ARMC12: variants seen among roughly 807,000 people sequenced by gnomAD.
The protein encoded by ARMC12 is armadillo repeat containing 12, also known as armadillo repeat-containing protein 12.
Under a neutral mutation model 37.4 loss-of-function variants are expected in ARMC12, and 25 were observed. That is an observed-to-expected ratio of 0.67 (90% CI 0.49 to 0.93). The LOEUF (loss-of-function observed/expected upper bound fraction) is 0.93. Ranked by LOEUF, ARMC12 falls within the 40% of genes least tolerant of loss-of-function variation. The pLI is 0.00. For missense variants in ARMC12, 384 were observed against 426.6 expected (o/e 0.90, Z 0.88); for synonymous variants, 167 against 176.1 (o/e 0.95, Z 0.41).
Position 35,748,538 on chromosome 6 carries a change from G to A in ARMC12, c.691G>A (p.Val231Ile). Residue 231 changes from valine to isoleucine, a missense_variant and splice_region_variant, in exon 6 of 6, where the codon GTT becomes ATT. Coordinates refer to ENST00000373866, the MANE Select transcript of ARMC12 (RefSeq NM_001286574.2). ...CATTCTTTCTCTATTCCCATCACAG[G>A]TTCACTCCAACTTCCTAAACCTGTT... is the stretch of plus-strand genomic sequence containing the variant. The part of the protein sequence containing the change: ...DLLYDILNCQ[V>I]HSNFLNLFQP... 6.7e-7 allele frequency: 1 copy of A among 1,487,736 alleles called. No individual in the cohort carries two copies. Among genetic ancestry groups the A allele is most frequent in the Non-Finnish European group, 9.0e-7 (1 of 1,117,318 alleles). The allele number at this position is 1,487,736 out of a possible 1,614,324, so 92.2% of individuals were successfully genotyped here. A position where few individuals can be genotyped will look rare whatever the true frequency, so the allele number is the denominator to read the frequency against.
chr6:35,747,110 C>A (rs1767362920), intron 3 of ARMC12, 151 bp from the exon 4 acceptor site: 3 of 659,920 alleles, frequency 4.5e-6, no homozygotes, highest in Non-Finnish European at 6.6e-6. Context: ...TGGGAGTGGG[C>A]AACTGGGTCA....
chr6:35,740,216 A>C (rs2151038955), intron 3 of ARMC12, among the ~76,000 whole-genome samples: 1 of 152,222 alleles, frequency 6.6e-6, no homozygotes, highest in South Asian at 2.1e-4. Context: ...ACAAAATGTA[A>C]AACACCACAT....
At chr6:35,743,530 C>T (rs975802847) in intron 3 of ARMC12, among the ~76,000 whole-genome samples, 2 of 152,152 alleles carry the variant, frequency 1.3e-5, no homozygotes, top group African/African-American at 4.8e-5. Context: ...CATCTTGCAT[C>T]CTAGAACCGA....
chr6:35,740,752 A>T (rs1767138298), intron 3 of ARMC12, among the ~76,000 whole-genome samples: 1 of 152,192 alleles, frequency 6.6e-6, no homozygotes, highest in South Asian at 2.1e-4. Flanking sequence ...AGCAGGGCAT[A>T]GCAGATAATA....
At chr6:35,743,295 C>A (rs1767233046) in intron 3 of ARMC12, among the ~76,000 whole-genome samples, 1 of 151,956 alleles carries the variant, frequency 6.6e-6, no homozygotes, top group South Asian at 2.1e-4. Flanking sequence ...CAGCTCACCG[C>A]AACCTCCGCC....
upstream of ARMC12, among the ~76,000 whole-genome samples, chr6:35,733,542 C>G (rs577976580): frequency 2.6e-5 from 4 of 152,336 alleles, 1 homozygote; most frequent in South Asian, 8.3e-4. Flanking sequence ...TGGAGTCTTG[C>G]TCTGTCACCA....
chr6:35,739,108 G>A (rs1409831259), intron 3 of ARMC12, among the ~76,000 whole-genome samples: 1 of 152,152 alleles, frequency 6.6e-6, no homozygotes, highest in African/African-American at 2.4e-5. Flanking sequence ...ATAGGGCAGG[G>A]TGTCAGGGCG....
rs1767380202 is a variant in ARMC12 at position 35,747,578 on chromosome 6, G to A, written c.621G>A (p.Val207=). 1.2e-6 allele frequency: 2 copies of A among 1,614,062 alleles called. No individual in the cohort carries two copies. Among genetic ancestry groups the A allele is most frequent in the Non-Finnish European group, 1.7e-6 (2 of 1,180,024 alleles). The change falls in exon 5 of 6, where the codon GTG becomes GTA. Residue 207 remains valine, a splice_region_variant and synonymous_variant. Coordinates refer to ENST00000373866, the MANE Select transcript of ARMC12 (RefSeq NM_001286574.2). ...GCTTTACTCTTTCCTTTATTCAGGT[G>A]CAAGCCGTACGACTGCTGAGCTACC... ...ILQSDYILAQ[V]QAVRLLSYLA...
At chr6:35,738,203 G>C (rs1348425365) in intron 2 of ARMC12, 31 bp downstream of exon 2, 4 of 1,596,118 alleles carry the variant, frequency 2.5e-6, no homozygotes, top group Non-Finnish European at 3.4e-6. Context: ...CCCCTAGCCG[G>C]CCTGGCCCCT....
chr6:35,742,589 C>T (rs973743083), intron 3 of ARMC12, among the ~76,000 whole-genome samples: 4 of 151,158 alleles, frequency 2.6e-5, no homozygotes, highest in South Asian at 2.1e-4. Flanking sequence ...CTGATGCAGG[C>T]GGCCTGAGTC....
chr6:35,735,613 G>A (rs1157423878), upstream of ARMC12: 2 of 152,168 alleles, frequency 1.3e-5, no homozygotes, highest in Admixed American at 1.3e-4. This position sits in a 1 kb window ranked among gnomAD's most constrained non-coding sequence, Gnocchi z 4.0. Context: ...GGGCCAGGTA[G>A]GTGAACACCT....
intron 3 of ARMC12, among the ~76,000 whole-genome samples, chr6:35,744,120 A>G (rs1473759530): frequency 6.6e-6 from 1 of 152,092 alleles, no homozygotes; most frequent in East Asian, 1.9e-4. Context: ...AAAGCTGCAG[A>G]CTGGGAGAGT....
At chr6:35,736,852 T>C (rs988930537), upstream of ARMC12, 1 of 521,240 alleles carries the variant, frequency 1.9e-6, no homozygotes, top group African/African-American at 1.9e-5. Context: ...TCAAGTGATC[T>C]GCCTGCCTTG....
At chr6:35,748,443 A>C in intron 5 of ARMC12, 95 bp from the exon 6 acceptor site, 1 of 1,038,358 alleles carries the variant, frequency 9.6e-7, no homozygotes, top group Non-Finnish European at 1.3e-6. Context: ...AAATTTAGGT[A>C]TATTTGGGAG....
In ARMC12 at chr6:35,738,186, G is replaced by T. The variant is rs753100260; in HGVS notation, c.309+14G>T. 2.5e-6 allele frequency: 4 copies of T among 1,608,878 alleles called. No individual in the cohort carries two copies. In the African/African-American group the frequency reaches 4.0e-5, roughly 16 times the overall value. ...CTGGAGGCTGAGGTAAGGGAAGCAG[G>T]AGGTCCCCCCTAGCCGGCCTGGCCC... On this transcript the variant is annotated intron_variant, in intron 2 of 5. Transcript: ENST00000373866.
At chr6:35,747,965 A>G (rs1767392985) in intron 5 of ARMC12, among the ~76,000 whole-genome samples, 1 of 152,188 alleles carries the variant, frequency 6.6e-6, no homozygotes, top group African/African-American at 2.4e-5. Flanking sequence ...TTAGGGATAG[A>G]AAAGGTTACT....
At chr6:35,733,784 G>A (rs1240429957), upstream of ARMC12, 5 of 152,416 alleles carry the variant, frequency 3.3e-5, no homozygotes, top group East Asian at 9.6e-4. Flanking sequence ...ACAGGCGTGA[G>A]CCACCGCGCC....
At chr6:35,741,612 G>A (rs993220522) in intron 3 of ARMC12, among the ~76,000 whole-genome samples, 1 of 151,968 alleles carries the variant, frequency 6.6e-6, no homozygotes, top group African/African-American at 2.4e-5. Context: ...TAAAGACAGG[G>A]TTTCACCATG....
chr6:35,738,082 C>G lies in ARMC12; in HGVS notation c.219C>G (p.Leu73=), dbSNP rs773605203. Residue 73 remains leucine, a synonymous_variant, in exon 2 of 6, where the codon CTC becomes CTG. Coordinates refer to ENST00000373866, the MANE Select transcript of ARMC12 (RefSeq NM_001286574.2). The part of the protein sequence containing the change: ...HGRDSGELRR[L]LNSLECKQDE... ...GGGACTCAGGTGAGCTCCGGAGGCT[C>G]CTCAACTCTTTGGAGTGCAAACAGG... The G allele has an allele frequency of 6.2e-7, 1 of 1,614,046 alleles. No individual in the cohort carries two copies. Among genetic ancestry groups the G allele is most frequent in the Non-Finnish European group, 8.5e-7 (1 of 1,180,030 alleles).
Sources: allele counts gnomAD v4.1 joint callset (sites outside exome capture counted in the v4.1 genomes callset), GRCh38; gene constraint gnomAD v4.1.1; non-coding constraint Gnocchi (gnomAD v3.1); transcripts MANE v1.5; gene names NCBI Gene and HGNC (gene_info 2026-07-23, HGNC 2026-07-21).